OSGIN1: variants seen among roughly 807,000 people sequenced by gnomAD.
OSGIN1 encodes the protein oxidative stress-induced growth inhibitor 1.
In OSGIN1, 19 loss-of-function variants were observed where a neutral mutation model predicts 20.1. The ratio of observed to expected loss-of-function variants is 0.95; its 90% CI spans 0.66 to 1.39. The LOEUF is 1.39. OSGIN1 is among the 40% of genes most tolerant of loss of function. OSGIN1 has a pLI of 0.00. For missense variants in OSGIN1, 820 were observed against 653.0 expected, an observed-to-expected ratio of 1.26 and a Z score of -2.79; for synonymous variants, 368 against 297.8, an observed-to-expected ratio of 1.24 and a Z score of -2.43.
chr16:83,960,654 CAG>C lies in OSGIN1; in HGVS notation c.292_293del (p.Asp98LeufsTer93). On this transcript the variant is annotated frameshift_variant, in exon 4 of 6. Coordinates refer to ENST00000393306, the MANE Select transcript of OSGIN1 (RefSeq NM_182981.3). LOFTEE classifies it high-confidence loss of function. ...TTTGATGCCCTTCTACGCCCAGACACAGACTTTGGGGGAAACATGAAGTCGGT... is the reference window on the plus strand; with the variant it reads ...TTTGATGCCCTTCTACGCCCAGACACACTTTGGGGGAAACATGAAGTCGGT... The C allele has an allele frequency of 6.2e-7, 1 of 1,613,630 alleles. No homozygotes were observed. The highest frequency in any genetic ancestry group is 1.1e-5 in the South Asian group (1 of 91,088).
chr16:83,961,296 A>G, intron 5 of OSGIN1: 1 of 526,922 alleles, frequency 1.9e-6, no homozygotes, highest in Non-Finnish European at 3.4e-6. Context: ...TATTTGTAAG[A>G]AGTACATTGG....
In OSGIN1 at chr16:83,960,917, C is replaced by T. The variant is rs181171674; in HGVS notation, c.397-64C>T. On this transcript the variant is annotated intron_variant, in intron 4 of 5. Transcript: ENST00000393306. The stretch of plus-strand genomic sequence containing the variant: ...CCAGCCCCAGCAAAGGCCTCCCATG[C>T]CCTCTAGCCCCAAATGGGTTCAGGC... 2.8e-5 allele frequency: 43 copies of T among 1,549,238 alleles called. No individual in the cohort carries two copies. The East Asian group carries it at 5.4e-4, about 19-fold the overall frequency.
At chr16:83,960,527 C>T (rs756333609) in intron 3 of OSGIN1, 42 bp from the exon 4 acceptor site, 31 of 1,537,684 alleles carry the variant, frequency 2.0e-5, no homozygotes, top group Middle Eastern at 1.7e-4. Context: ...AAGACGACCC[C>T]GCCCTCCTCC....
At chr16:83,962,619 A>G (rs192399690) in intron 5 of OSGIN1, among the ~76,000 whole-genome samples, 258 of 152,302 alleles carry the variant, frequency 1.7e-3, no homozygotes, top group African/African-American at 5.8e-3. Flanking sequence ...ACATGTACAC[A>G]TGGTGGTCGG....
At chr16:83,963,577 C>T (rs1006874300) in intron 5 of OSGIN1, among the ~76,000 whole-genome samples, 7 of 152,136 alleles carry the variant, frequency 4.6e-5, no homozygotes, top group Non-Finnish European at 8.8e-5. Flanking sequence ...CTCTTGGGAC[C>T]GTTCTGTGTC....
At chr16:83,962,630 G>T (rs903414578) in intron 5 of OSGIN1, among the ~76,000 whole-genome samples, 5 of 152,198 alleles carry the variant, frequency 3.3e-5, no homozygotes, top group African/African-American at 1.2e-4. Context: ...TGGTGGTCGG[G>T]GCACAGCCTG....
Position 83,965,975 on chromosome 16 carries a change from C to T in OSGIN1, c.1402C>T (p.Leu468=), listed in dbSNP as rs2084276009. 1.3e-6 allele frequency: 2 copies of T among 1,599,618 alleles called. No homozygotes were observed. The highest frequency in any genetic ancestry group is 2.3e-5 in the East Asian group (1 of 44,288). The change falls in exon 6 of 6, where the codon CTG becomes TTG. Residue 468 remains leucine (L), a synonymous_variant. Transcript: ENST00000393306. ...GGGCGCCTTGGCTGTGGCCAGCTCC[C>T]TGCTAAGGAAGGAGACCAGGAAGCC... ...QGGALAVASS[L]LRKETRKPP is the part of the protein sequence containing the mutation.
chr16:83,965,052 T>C lies in OSGIN1; in HGVS notation c.489-10T>C. 7.4e-7 allele frequency: 1 copy of C among 1,347,472 alleles called. No homozygotes were observed. Among genetic ancestry groups the C allele is most frequent in the South Asian group, 1.2e-5 (1 of 82,534 alleles). The allele number at this position is 1,347,472 out of a possible 1,614,324, so 83.5% of individuals were successfully genotyped here. On this transcript the variant is annotated splice_polypyrimidine_tract_variant and intron_variant, in intron 5 of 5. Coordinates refer to ENST00000393306, the MANE Select transcript of OSGIN1 (RefSeq NM_182981.3). Reference sequence around the variant, plus strand: ...TGTCTGACTCTGGCGTCCTGCATCCTCCCCAACAGAGGTCTTCGCAACAGC... The same window carrying C: ...TGTCTGACTCTGGCGTCCTGCATCCCCCCCAACAGAGGTCTTCGCAACAGC...
At chr16:83,954,557 T>C (rs1039820076) in intron 1 of OSGIN1, 2 of 152,852 alleles carry the variant, frequency 1.3e-5, no homozygotes, top group African/African-American at 2.4e-5. Context: ...GTTGGCAGCA[T>C]ATTTGTCCGA....
At chr16:83,954,757 G>A (rs776729369) in intron 1 of OSGIN1, 109 of 984,712 alleles carry the variant, frequency 1.1e-4, no homozygotes, top group Non-Finnish European at 1.3e-4. Flanking sequence ...AGCCCTGGTG[G>A]TAAACCAGTG....
intron 1 of OSGIN1, chr16:83,954,723 G>A (rs1206592604): frequency 6.1e-6 from 6 of 981,222 alleles, no homozygotes; most frequent in Middle Eastern, 1.0e-3. Context: ...GTCCCAGGAG[G>A]GAGCCCTGGA....
chr16:83,961,188 G>T (rs907705166), intron 5 of OSGIN1, 116 bp downstream of exon 5: 4 of 754,514 alleles, frequency 5.3e-6, no homozygotes, highest in African/African-American at 5.1e-5. Flanking sequence ...TTGAGGACGC[G>T]CCCGTGACAG....
At chr16:83,960,920 TC>T (rs1909184089) in intron 4 of OSGIN1, 60 bp from the exon 5 acceptor site, 19 of 1,566,334 alleles carry the variant, frequency 1.2e-5, no homozygotes. Flanking sequence ...TCCCATGCCC[TC>T]TAGCCCCAAA....
In OSGIN1 at chr16:83,965,533, C is replaced by T. The variant is rs572948594; in HGVS notation, c.960C>T (p.Asp320=). ...TCCATGCCTTCCGCCGGGCCGTGGA[C>T]GACCCTGGCCTGGTGTTCAACCAGC... ...PVIHAFRRAV[D]DPGLVFNQLP... is the part of the protein sequence containing the mutation. Residue 320 remains aspartate, a synonymous_variant, in exon 6 of 6, where the codon GAC becomes GAT. Transcript: ENST00000393306. 20 of 1,612,630 alleles carry T rather than the reference C, an allele frequency of 1.2e-5. No homozygotes were observed. The African/African-American group carries it at 1.5e-4, about 12-fold the overall frequency.
chr16:83,953,344 C>G lies in OSGIN1; in HGVS notation c.-59C>G. 7.8e-7 allele frequency: 1 copy of G among 1,288,984 alleles called. No homozygotes were observed. Among genetic ancestry groups the G allele is most frequent in the African/African-American group, 1.5e-5 (1 of 65,968 alleles). The allele number at this position is 1,288,984 out of a possible 1,614,324, so 79.8% of individuals were successfully genotyped here. On this transcript the variant is annotated 5_prime_UTR_variant, in exon 1 of 6. Transcript: ENST00000393306. Reference sequence around the variant, plus strand: ...CTAGTGCACAACTTGGCCGGGCTCACTGGGCTCCTGCACCACTGCCTGTCA... The same window carrying G: ...CTAGTGCACAACTTGGCCGGGCTCAGTGGGCTCCTGCACCACTGCCTGTCA...
rs1335955893 is a variant in OSGIN1 at position 83,966,303 on chromosome 16, A to G, written c.*296A>G. 5 of 457,568 alleles carry G rather than the reference A, an allele frequency of 1.1e-5. No individual in the cohort carries two copies. Among genetic ancestry groups the G allele is most frequent in the Non-Finnish European group, 1.9e-5 (5 of 259,740 alleles). The allele number at this position is 457,568 out of a possible 1,614,324, so 28.3% of individuals were successfully genotyped here. On this transcript the variant is annotated 3_prime_UTR_variant, in exon 6 of 6. Coordinates refer to ENST00000393306, the MANE Select transcript of OSGIN1 (RefSeq NM_182981.3). ...CTGCAGCCCTGCGCCTTCCAGAAGC[A>G]GGTCCCAAATAAAGCCAGTGCCCAC...
At chr16:83,960,192 C>G (rs1909136314) in intron 3 of OSGIN1, among the ~76,000 whole-genome samples, 1 of 152,132 alleles carries the variant, frequency 6.6e-6, no homozygotes, top group Non-Finnish European at 1.5e-5. Flanking sequence ...CTGGGTTTGG[C>G]AAAATTAAAC....
chr16:83,959,444 G>T, intron 3 of OSGIN1, 48 bp downstream of exon 3: 1 of 1,533,700 alleles, frequency 6.5e-7, no homozygotes, highest in Non-Finnish European at 8.8e-7. Flanking sequence ...ACCCGCCCTT[G>T]GAAAACTACC....
intron 2 of OSGIN1, 144 bp from the exon 3 acceptor site, chr16:83,959,116 G>C: frequency 1.6e-6 from 1 of 625,028 alleles, no homozygotes; most frequent in Non-Finnish European, 2.9e-6. Context: ...ACAGTGTCTG[G>C]CACAGGCTAA....
Sources: gnomAD v4.1 joint callset for allele counts (sites outside exome capture counted in the v4.1 genomes callset) on GRCh38, gnomAD v4.1.1 for gene constraint, MANE v1.5 for transcripts, NCBI Gene and HGNC (gene_info 2026-07-23, HGNC 2026-07-21) for gene names.